Variants in SIK3 observed in about 807,000 individuals in gnomAD.
SIK3 encodes the protein serine/threonine-protein kinase SIK3.
SIK3 carries 28 observed loss-of-function variants against 144.2 expected under a neutral mutation model. The ratio of observed to expected loss-of-function variants is 0.19; its 90% CI spans 0.14 to 0.27. SIK3 has a LOEUF of 0.27. SIK3 is among the 10% of genes least tolerant of loss of function. SIK3 has a pLI of 1.00. For missense variants in SIK3, 1,319 were observed against 1,776.0 expected (o/e 0.74, Z 4.62); for synonymous variants, 686 against 676.3 (o/e 1.01, Z -0.22).
At chr11:116,865,281 C>T (rs1943571325) in intron 15 of SIK3, among the ~76,000 whole-genome samples, 1 of 152,116 alleles carries the variant, frequency 6.6e-6, no homozygotes, top group South Asian at 2.1e-4. Flanking sequence ...GCAATACAGT[C>T]TTTCTGCACA....
At chr11:117,009,771 C>T (rs1951186415) in intron 1 of SIK3, among the ~76,000 whole-genome samples, 1 of 152,104 alleles carries the variant, frequency 6.6e-6, no homozygotes, top group Non-Finnish European at 1.5e-5. Context: ...TTATCACCTT[C>T]CTGAAAATTT....
intron 1 of SIK3, among the ~76,000 whole-genome samples, chr11:117,070,065 AC>A (rs1418000237): frequency 2.6e-5 from 4 of 152,244 alleles, no homozygotes; most frequent in Non-Finnish European, 4.4e-5. Context: ...TAAGAGATCA[AC>A]ATTAGCTTAG....
intron 1 of SIK3, among the ~76,000 whole-genome samples, chr11:117,029,906 T>C (rs1417935533): frequency 1.3e-5 from 2 of 151,876 alleles, no homozygotes. Context: ...GTCATTATGA[T>C]GTAAACTGTA....
intron 4 of SIK3, among the ~76,000 whole-genome samples, chr11:116,911,859 T>C (rs542264375): frequency 2.0e-5 from 3 of 152,150 alleles, no homozygotes; most frequent in African/African-American, 4.8e-5. Flanking sequence ...ACTGCTTATT[T>C]ACTGGCAATG....
intron 1 of SIK3, among the ~76,000 whole-genome samples, chr11:117,023,636 A>ATATATATATATG (rs1951890213): frequency 6.9e-6 from 1 of 145,406 alleles, no homozygotes; most frequent in African/African-American, 2.6e-5. Flanking sequence ...ATATATATAT[A>ATATATATATATG]TATATATATT....
At chr11:116,997,570 T>C (rs1353686020) in intron 1 of SIK3, among the ~76,000 whole-genome samples, 1 of 152,246 alleles carries the variant, frequency 6.6e-6, no homozygotes, top group East Asian at 1.9e-4. Context: ...TTTATTAATT[T>C]ATATTTTGCT....
intron 4 of SIK3, among the ~76,000 whole-genome samples, chr11:116,901,053 C>T (rs1431949642): frequency 2.0e-5 from 3 of 151,920 alleles, no homozygotes; most frequent in African/African-American, 2.4e-5. Context: ...TTAGTAGAGA[C>T]GGGGTTTCTC....
chr11:116,942,455 T>C (rs551699892), intron 3 of SIK3, among the ~76,000 whole-genome samples: 2 of 152,316 alleles, frequency 1.3e-5, no homozygotes, highest in South Asian at 2.1e-4. Flanking sequence ...GTAAATTTTA[T>C]TGACTCAAGA....
chr11:117,062,465 A>G (rs900466292), intron 1 of SIK3, among the ~76,000 whole-genome samples: 4 of 152,222 alleles, frequency 2.6e-5, no homozygotes, highest in African/African-American at 9.6e-5. Flanking sequence ...ACAATGAACC[A>G]TCTAAGCCAG....
chr11:117,018,710 T>C (rs1346000943), intron 1 of SIK3, among the ~76,000 whole-genome samples: 4 of 132,188 alleles, frequency 3.0e-5, no homozygotes, highest in Non-Finnish European at 6.2e-5. Context: ...GTTTTTATTT[T>C]ATTTTATTTA....
At chr11:117,014,926 C>T (rs1951454429) in intron 1 of SIK3, among the ~76,000 whole-genome samples, 1 of 151,998 alleles carries the variant, frequency 6.6e-6, no homozygotes, top group South Asian at 2.1e-4. Flanking sequence ...TAGCCGATCA[C>T]GATAGTGTGC....
chr11:117,057,187 TACA>T (rs1254770967), intron 1 of SIK3, among the ~76,000 whole-genome samples: 8 of 152,230 alleles, frequency 5.3e-5, no homozygotes, highest in Non-Finnish European at 1.0e-4. Context: ...ACAAAATGTG[TACA>T]TGTACAGAAG....
intron 12 of SIK3, 84 bp downstream of exon 12, chr11:116,873,819 G>T: frequency 6.6e-7 from 1 of 1,523,960 alleles, no homozygotes; most frequent in Non-Finnish European, 8.8e-7. Context: ...AAACCCTTAA[G>T]TCCTAGGGAA....
In SIK3 at chr11:117,021,928, C is replaced by CAAAAAAAAAAAAAAAAAAAAA. The variant is rs71037444; in HGVS notation, c.274-64885_274-64865dup. 2.5e-4 allele frequency among the ~76,000 whole-genome samples: 15 copies of CAAAAAAAAAAAAAAAAAAAAA among 58,996 alleles called. 2 individuals are homozygous for CAAAAAAAAAAAAAAAAAAAAA. Among genetic ancestry groups the CAAAAAAAAAAAAAAAAAAAAA allele is most frequent in the Admixed American group, 4.5e-4 (2 of 4,484 alleles). The allele number at this position is 58,996 out of a possible 152,430, so 38.7% of individuals were successfully genotyped here. On this transcript the variant is annotated intron_variant, in intron 1 of 24. Coordinates refer to ENST00000445177, the MANE Select transcript of SIK3 (RefSeq NM_001366686.3). ...ATAGCACAGTGAGCCTCTGTCTCTACAAAAAAAAAAAAAAAAAAAAAAAAA... is the reference window on the plus strand; with the variant it reads ...ATAGCACAGTGAGCCTCTGTCTCTACAAAAAAAAAAAAAAAAAAAAAAAAAAAAAAAAAAAAAAAAAAAAAA...
At chr11:116,861,671 AG>A (rs1446994508) in intron 18 of SIK3, among the ~76,000 whole-genome samples, 169 bp downstream of exon 18, 1 of 152,234 alleles carries the variant, frequency 6.6e-6, no homozygotes, top group African/African-American at 2.4e-5. Context: ...GAAGTGGCAC[AG>A]GAAGTTGGGA....
chr11:116,981,049 A>G (rs1950123144), intron 1 of SIK3, among the ~76,000 whole-genome samples: 1 of 152,196 alleles, frequency 6.6e-6, no homozygotes, highest in Admixed American at 6.5e-5. Context: ...TAGGCTTTAT[A>G]AGACTGATGG....
chr11:116,903,199 T>C lies in SIK3; in HGVS notation c.617-5882A>G, dbSNP rs1945827651. Among the ~76,000 whole-genome samples the C allele has an allele frequency of 2.0e-5, 3 of 152,266 alleles. No homozygotes were observed. The South Asian group carries it at 6.2e-4, about 31-fold the overall frequency. On this transcript the variant is annotated intron_variant, in intron 4 of 24. Coordinates refer to ENST00000445177, the MANE Select transcript of SIK3 (RefSeq NM_001366686.3). ...ATCAATACTTCTGGGACTGAGTAACTGTGATGGGAGAATACCTCCTCTTCA... is the reference window on the plus strand; with the variant it reads ...ATCAATACTTCTGGGACTGAGTAACCGTGATGGGAGAATACCTCCTCTTCA...
chr11:116,942,981 T>C (rs909368649), intron 3 of SIK3, among the ~76,000 whole-genome samples: 3 of 152,146 alleles, frequency 2.0e-5, no homozygotes, highest in Non-Finnish European at 4.4e-5. Context: ...ACTGCAGTGA[T>C]CTTAGCAAGA....
chr11:117,000,266 A>G (rs546407649), intron 1 of SIK3, among the ~76,000 whole-genome samples: 2 of 152,352 alleles, frequency 1.3e-5, no homozygotes, highest in South Asian at 2.1e-4. Flanking sequence ...GTTGGGCAAG[A>G]TAACATCTCC....
Sources: allele counts gnomAD v4.1 joint callset (sites outside exome capture counted in the v4.1 genomes callset), GRCh38; gene constraint gnomAD v4.1.1; transcripts MANE v1.5; gene names NCBI Gene and HGNC (gene_info 2026-07-23, HGNC 2026-07-21).